MBOAT1: variants seen among roughly 807,000 people sequenced by gnomAD.
The protein encoded by MBOAT1 is membrane-bound glycerophospholipid O-acyltransferase 1.
In MBOAT1, 67 loss-of-function variants were observed where a neutral mutation model predicts 64.4. That is an observed-to-expected ratio of 1.04 (90% CI 0.85 to 1.27). MBOAT1 has a LOEUF of 1.27. Among genes scored for constraint, MBOAT1 ranks in the 50% most tolerant of loss-of-function variants. MBOAT1 has a pLI of 0.00. For missense variants in MBOAT1, 563 were observed against 604.6 expected, an observed-to-expected ratio of 0.93 and a Z score of 0.72; for synonymous variants, 229 against 218.9, an observed-to-expected ratio of 1.05 and a Z score of -0.41.
chr6:20,195,882 G>A (rs1478101229), intron 1 of MBOAT1, among the ~76,000 whole-genome samples: 1 of 152,188 alleles, frequency 6.6e-6, no homozygotes, highest in Admixed American at 6.6e-5. Context: ...GTGACCTAGA[G>A]TTTGGGCAAA....
intron 12 of MBOAT1, among the ~76,000 whole-genome samples, chr6:20,107,999 C>A (rs1451522837): frequency 6.6e-6 from 1 of 152,044 alleles, no homozygotes; most frequent in Non-Finnish European, 1.5e-5. Context: ...GAAATTGGAG[C>A]CGGAAGCATG....
intron 8 of MBOAT1, among the ~76,000 whole-genome samples, chr6:20,123,187 GGAA>G (rs201427338): frequency 0.011 from 1,610 of 152,102 alleles, 32 homozygotes; most frequent in African/African-American, 0.037. Context: ...AACTTTAACT[GGAA>G]CTTAAAACTT....
chr6:20,126,894 C>T (rs1450946605), intron 6 of MBOAT1, among the ~76,000 whole-genome samples, 194 bp from the exon 7 acceptor site: 1 of 152,174 alleles, frequency 6.6e-6, no homozygotes, highest in East Asian at 1.9e-4. Context: ...GGGCTCACAG[C>T]AGGCACAGAG....
intron 1 of MBOAT1, among the ~76,000 whole-genome samples, chr6:20,200,281 T>A (rs1763083531): frequency 6.6e-6 from 1 of 152,216 alleles, no homozygotes; most frequent in Non-Finnish European, 1.5e-5. Context: ...AAGCAAATTA[T>A]ACAGGTACGA....
rs925925260 is a variant in MBOAT1 at position 20,101,361 on chromosome 6, T to C, written c.*925A>G. 2.0e-5 allele frequency among the ~76,000 whole-genome samples: 3 copies of C among 152,168 alleles called. No individual in the cohort carries two copies. The highest frequency in any genetic ancestry group is 4.4e-5 in the Non-Finnish European group (3 of 68,020). On this transcript the variant is annotated 3_prime_UTR_variant, in exon 13 of 13. Transcript: ENST00000324607. ...AGAAAAAGGGGAAAGGTTACATTCCTGGAAAGAAAATACAGCCTATTTGAG... is the reference window on the plus strand; with the variant it reads ...AGAAAAAGGGGAAAGGTTACATTCCCGGAAAGAAAATACAGCCTATTTGAG...
intron 1 of MBOAT1, among the ~76,000 whole-genome samples, chr6:20,158,977 A>G (rs1561768847): frequency 6.6e-6 from 1 of 152,184 alleles, no homozygotes; most frequent in East Asian, 1.9e-4. Context: ...GGAGAAATGT[A>G]AATCAGTACA....
At chr6:20,164,009 T>C (rs1325257252) in intron 1 of MBOAT1, among the ~76,000 whole-genome samples, 1 of 152,134 alleles carries the variant, frequency 6.6e-6, no homozygotes, top group African/African-American at 2.4e-5. Context: ...ACCAATGGCA[T>C]GTTTGTATGT....
At chr6:20,147,175 A>G (rs1388145695) in intron 3 of MBOAT1, among the ~76,000 whole-genome samples, 1 of 152,254 alleles carries the variant, frequency 6.6e-6, no homozygotes, top group Non-Finnish European at 1.5e-5. Context: ...TGAGTCCACT[A>G]AACTTCTTTT....
chr6:20,110,289 T>C (rs1195016723), intron 11 of MBOAT1, among the ~76,000 whole-genome samples: 2 of 150,850 alleles, frequency 1.3e-5, no homozygotes, highest in Non-Finnish European at 2.9e-5. Context: ...CATAGCTCAC[T>C]GCAGCTTCAA....
chr6:20,104,263 GT>G (rs1759887335), intron 12 of MBOAT1, among the ~76,000 whole-genome samples: 1 of 152,144 alleles, frequency 6.6e-6, no homozygotes, highest in African/African-American at 2.4e-5. Context: ...ACATATCCCT[GT>G]TGGTAAGCAA....
At position 20,100,966 on chromosome 6, in the gene MBOAT1, G is replaced by C. The variant is rs897569493; in HGVS notation, c.*1320C>G. The stretch of plus-strand genomic sequence containing the variant: ...ATAGAAAAGAAAACTTTCAATGTCT[G>C]CTTTCCAATATGATGATTCAACTAA... On this transcript the variant is annotated 3_prime_UTR_variant, in exon 13 of 13. Transcript: ENST00000324607. Among the ~76,000 whole-genome samples, 1 of 152,096 alleles carries C rather than the reference G, an allele frequency of 6.6e-6. No homozygotes were observed. The highest frequency in any genetic ancestry group is 1.5e-5 in the Non-Finnish European group (1 of 68,024).
At chr6:20,184,696 C>G (rs901720054) in intron 1 of MBOAT1, among the ~76,000 whole-genome samples, 1 of 152,062 alleles carries the variant, frequency 6.6e-6, no homozygotes, top group African/African-American at 2.4e-5. Context: ...AGAATGGAAC[C>G]CTGCCATCAT....
In MBOAT1 at chr6:20,117,582, C is replaced by T. The variant is rs145628675; in HGVS notation, c.1011+855G>A. ...GGCTTCCCCCATGCCTCCTTCTGGC[C>T]TAGTTTCCACCCAACGTGGGTGGCA... is the stretch of plus-strand genomic sequence containing the variant. On this transcript the variant is annotated intron_variant, in intron 9 of 12. Coordinates refer to ENST00000324607, the MANE Select transcript of MBOAT1 (RefSeq NM_001080480.3). Among the ~76,000 whole-genome samples, 5 of 152,334 alleles carry T rather than the reference C, an allele frequency of 3.3e-5. No individual in the cohort carries two copies. In the East Asian group the frequency reaches 9.7e-4, roughly 29 times the overall value.
chr6:20,162,292 T>C (rs1761887414), intron 1 of MBOAT1, among the ~76,000 whole-genome samples: 1 of 152,158 alleles, frequency 6.6e-6, no homozygotes, highest in Non-Finnish European at 1.5e-5. Flanking sequence ...TTCATTTTCT[T>C]TGCACCTACA....
At chr6:20,198,901 CGT>C (rs1763040022) in intron 1 of MBOAT1, among the ~76,000 whole-genome samples, 1 of 152,212 alleles carries the variant, frequency 6.6e-6, no homozygotes, top group Admixed American at 6.5e-5. Flanking sequence ...TGCCTCCTTA[CGT>C]ATTTTAAGTT....
At chr6:20,158,137 CAG>C (rs1044536445) in intron 1 of MBOAT1, among the ~76,000 whole-genome samples, 1 of 127,032 alleles carries the variant, frequency 7.9e-6, no homozygotes, top group Non-Finnish European at 1.6e-5. Flanking sequence ...GCCTGGGTGA[CAG>C]AGCAAGACTC....
intron 4 of MBOAT1, among the ~76,000 whole-genome samples, chr6:20,141,393 G>A: frequency 8.7e-6 from 1 of 114,836 alleles, no homozygotes; most frequent in South Asian, 2.7e-4. Flanking sequence ...ACAGGGTCTT[G>A]CTCTGTCACC....
Position 20,168,066 on chromosome 6 carries a change from G to A in MBOAT1, c.100-15297C>T, listed in dbSNP as rs115091149. Among the ~76,000 whole-genome samples, 601 of 152,236 alleles carry A rather than the reference G, an allele frequency of 3.9e-3. 5 individuals carry two copies. The highest frequency in any genetic ancestry group is 0.013 in the African/African-American group (543 of 41,528). ...ATAAGTTCCAACATAGTCAAAGAACGGGTGTGTCCTAAATCTAAAAACTCA... is the reference window on the plus strand; with the variant it reads ...ATAAGTTCCAACATAGTCAAAGAACAGGTGTGTCCTAAATCTAAAAACTCA... On this transcript the variant is annotated intron_variant, in intron 1 of 12. Transcript: ENST00000324607.
intron 1 of MBOAT1, among the ~76,000 whole-genome samples, chr6:20,208,320 C>T (rs1455454007): frequency 6.6e-6 from 1 of 151,826 alleles, no homozygotes. Flanking sequence ...GTGGCGCGCT[C>T]CAGTAATCAC....
Sources: gnomAD v4.1 joint callset for allele counts (sites outside exome capture counted in the v4.1 genomes callset) on GRCh38, gnomAD v4.1.1 for gene constraint, MANE v1.5 for transcripts, NCBI Gene and HGNC (gene_info 2026-07-23, HGNC 2026-07-21) for gene names.